SLC24A2: variants seen among roughly 807,000 people sequenced by gnomAD.
The protein encoded by SLC24A2 is sodium/potassium/calcium exchanger 2.
SLC24A2 carries 36 observed loss-of-function variants against 62.0 expected under a neutral mutation model. The ratio of observed to expected loss-of-function variants is 0.58; its 90% CI spans 0.44 to 0.77. SLC24A2 has a LOEUF of 0.77. Ranked by LOEUF, SLC24A2 falls within the 30% of genes least tolerant of loss-of-function variation. The pLI, the probability that SLC24A2 is intolerant of heterozygous loss-of-function variation, is 0.00. For missense variants in SLC24A2, 846 were observed against 817.9 expected (o/e 1.03, Z -0.42); for synonymous variants, 358 against 294.0 (o/e 1.22, Z -2.23).
the SLC24A2 span, among the ~76,000 whole-genome samples, chr9:19,970,549 T>C: frequency 1.3e-5 from 2 of 152,200 alleles, no homozygotes; most frequent in East Asian, 3.8e-4. Context: ...TCTGCAAGTT[T>C]TATGAGAAAA....
At chr9:19,654,367 T>G (rs930761020) in intron 2 of SLC24A2, among the ~76,000 whole-genome samples, 1 of 152,176 alleles carries the variant, frequency 6.6e-6, no homozygotes, top group South Asian at 2.1e-4. Context: ...CCCAGGAAGC[T>G]AAGGGTTCCT....
chr9:19,632,939 T>C lies in SLC24A2; in HGVS notation c.931-10640A>G, dbSNP rs755200872. ...ATTAACTATAACATCATCACAAGACTCCCTTGTGCTATCCCTTTAGGTCTA... is the reference window on the plus strand; with the variant it reads ...ATTAACTATAACATCATCACAAGACCCCCTTGTGCTATCCCTTTAGGTCTA... On this transcript the variant is annotated intron_variant, in intron 2 of 10. Coordinates refer to ENST00000341998, the MANE Select transcript of SLC24A2 (RefSeq NM_020344.4). This position sits in a 1 kb window ranked among gnomAD's most constrained non-coding sequence, Gnocchi z 4.5. Among the ~76,000 whole-genome samples, 3 of 152,172 alleles carry C rather than the reference T, an allele frequency of 2.0e-5. No homozygotes were observed. The highest frequency in any genetic ancestry group is 4.4e-5 in the Non-Finnish European group (3 of 68,030).
chr9:19,513,164 A>ATATATATATG lies in SLC24A2; in HGVS notation c.*2988_*2989insCATATATATA, dbSNP rs1554665695. The ATATATATATG allele has an allele frequency of 1.6e-5, 1 of 60,694 alleles. No homozygotes were observed. The highest frequency in any genetic ancestry group is 6.1e-5 in the African/African-American group (1 of 16,272). 3.8% of individuals were successfully genotyped at this position (60,694 alleles called of 1,614,324 possible). ...AGATCTGGTATAAAGATATATATATATATATATATATGTATATATATATAT... is the reference window on the plus strand; with the variant it reads ...AGATCTGGTATAAAGATATATATATATATATATATGTATATATATATGTATATATATATAT... On this transcript the variant is annotated 3_prime_UTR_variant, in exon 11 of 11. Transcript: ENST00000341998.
chr9:20,215,378 G>A, the SLC24A2 span, among the ~76,000 whole-genome samples: 5 of 152,026 alleles, frequency 3.3e-5, no homozygotes, highest in South Asian at 4.2e-4. Flanking sequence ...TCATATTATC[G>A]AGAACTATGT....
the SLC24A2 span, among the ~76,000 whole-genome samples, chr9:20,229,724 C>A: frequency 6.6e-6 from 1 of 151,016 alleles, no homozygotes; most frequent in African/African-American, 2.4e-5. Flanking sequence ...TTTTCTATTT[C>A]TTTTTTTTTA....
chr9:19,678,878 A>C (rs955854313), intron 2 of SLC24A2, among the ~76,000 whole-genome samples: 7 of 152,232 alleles, frequency 4.6e-5, no homozygotes, highest in Non-Finnish European at 1.0e-4. Context: ...ATTGTGTAAA[A>C]TGTGGAGTTG....
intron 2 of SLC24A2, among the ~76,000 whole-genome samples, chr9:19,756,395 G>T (rs1822140927): frequency 6.6e-6 from 1 of 152,154 alleles, no homozygotes; most frequent in African/African-American, 2.4e-5. Context: ...ATTTTGTGGT[G>T]ATTCTTTGCA....
At chr9:20,023,466 G>A in the SLC24A2 span, among the ~76,000 whole-genome samples, 18 of 152,146 alleles carry the variant, frequency 1.2e-4, no homozygotes, top group Middle Eastern at 3.2e-3. Context: ...TTTGGAAAGT[G>A]CACAATCTTT....
At chr9:20,123,121 C>G in the SLC24A2 span, among the ~76,000 whole-genome samples, 6 of 152,272 alleles carry the variant, frequency 3.9e-5, no homozygotes, top group African/African-American at 1.4e-4. Flanking sequence ...GGTTCAAGAT[C>G]AAGGCAGATT....
chr9:19,638,794 TAAGATGACATAC>T (rs1278017471), intron 2 of SLC24A2, among the ~76,000 whole-genome samples: 10 of 84,510 alleles, frequency 1.2e-4, no homozygotes, highest in Admixed American at 2.6e-4. Flanking sequence ...TGACATTAAA[TAAGATGACATAC>T]GTAAAATTCC....
At chr9:20,152,802 A>G in the SLC24A2 span, among the ~76,000 whole-genome samples, 41 of 151,904 alleles carry the variant, frequency 2.7e-4, no homozygotes, top group Non-Finnish European at 5.0e-4. Flanking sequence ...CTCCTTTTGA[A>G]AGCTGGATTG....
intron 8 of SLC24A2, among the ~76,000 whole-genome samples, chr9:19,536,262 A>G (rs1833972732): frequency 6.7e-6 from 1 of 150,248 alleles, no homozygotes; most frequent in Admixed American, 6.6e-5. Context: ...CAGGTTAGTT[A>G]CATATGTATA....
At chr9:19,907,290 A>C in the SLC24A2 span, among the ~76,000 whole-genome samples, 3 of 152,220 alleles carry the variant, frequency 2.0e-5, no homozygotes, top group Non-Finnish European at 2.9e-5. Flanking sequence ...TTCATGCTAA[A>C]AACACTCAAT....
At chr9:20,248,978 CAGGCCAGGG>C in the SLC24A2 span, among the ~76,000 whole-genome samples, 1 of 152,174 alleles carries the variant, frequency 6.6e-6, no homozygotes, top group Non-Finnish European at 1.5e-5. Flanking sequence ...ACAGCCTGCA[CAGGCCAGGG>C]AGCCCAGTGG....
At chr9:19,730,392 A>T (rs1265159447) in intron 2 of SLC24A2, among the ~76,000 whole-genome samples, 1 of 152,190 alleles carries the variant, frequency 6.6e-6, no homozygotes, top group Non-Finnish European at 1.5e-5. Context: ...TATTTAACGT[A>T]TATATTTATC....
chr9:19,964,288 G>A, the SLC24A2 span, among the ~76,000 whole-genome samples: 5 of 151,456 alleles, frequency 3.3e-5, no homozygotes, highest in Middle Eastern at 0.01. Context: ...GTTAATGGGT[G>A]CAGCACACCA....
At chr9:19,932,782 T>G in the SLC24A2 span, among the ~76,000 whole-genome samples, 1 of 152,322 alleles carries the variant, frequency 6.6e-6, no homozygotes, top group Non-Finnish European at 1.5e-5. Context: ...GGTCCTTTCC[T>G]ATCAGTTATA....
the SLC24A2 span, among the ~76,000 whole-genome samples, chr9:20,305,373 G>C: frequency 3.9e-5 from 6 of 152,066 alleles, no homozygotes; most frequent in Non-Finnish European, 8.8e-5. Flanking sequence ...CCAAAGTGCT[G>C]GGATTACAGG....
chr9:20,302,864 A>T, the SLC24A2 span, among the ~76,000 whole-genome samples: 2 of 152,298 alleles, frequency 1.3e-5, no homozygotes, highest in Admixed American at 1.3e-4. Flanking sequence ...TTCCCATATG[A>T]TCAACATTGA....
Sources: allele counts gnomAD v4.1 joint callset (sites outside exome capture counted in the v4.1 genomes callset), GRCh38; gene constraint gnomAD v4.1.1; non-coding constraint Gnocchi (gnomAD v3.1); transcripts MANE v1.5; gene names NCBI Gene and HGNC (gene_info 2026-07-23, HGNC 2026-07-21).